The following KIF5C variants were observed in gnomAD, a reference collection of about 807,000 sequenced individuals.
The protein encoded by KIF5C is kinesin heavy chain isoform 5C.
A neutral mutation model predicts 125.2 loss-of-function variants in KIF5C; 18 were observed. The observed-to-expected ratio is 0.14, with a 90% CI of 0.10 to 0.21. KIF5C has a LOEUF of 0.21. KIF5C is among the 10% of genes least tolerant of loss of function. The pLI, the probability that KIF5C is intolerant of heterozygous loss-of-function variation, is 1.00. For synonymous variants in KIF5C, 405 were observed against 434.0 expected (o/e 0.93, Z 0.83); for missense variants, 780 against 1,183.8 (o/e 0.66, Z 5.01).
intron 23 of KIF5C, among the ~76,000 whole-genome samples, chr2:149,009,279 T>C (rs187212835): frequency 3.4e-4 from 51 of 152,212 alleles, no homozygotes; most frequent in African/African-American, 1.2e-3. Flanking sequence ...CGTGAGCCAC[T>C]GCACCCAGCT....
chr2:148,987,018 G>A (rs73965237), intron 15 of KIF5C, among the ~76,000 whole-genome samples: 15,500 of 152,270 alleles, frequency 0.1, 1,043 homozygotes, highest in African/African-American at 0.18. Flanking sequence ...CATTTGGAAA[G>A]GAGAGCTTTA....
rs1028645971 is a variant in KIF5C at position 148,894,402 on chromosome 2, A to G, written c.126+18659A>G. ...TTAATGTGAACTAAAAGCTGGCATC[A>G]TAAAGAAAGTAAGGTCCAAGAAGTT... is the stretch of plus-strand genomic sequence containing the variant. On this transcript the variant is annotated intron_variant, in intron 1 of 25. Coordinates refer to ENST00000435030, the MANE Select transcript of KIF5C (RefSeq NM_004522.3). Among the ~76,000 whole-genome samples, 86 of 152,368 alleles carry G rather than the reference A, an allele frequency of 5.6e-4. 2 individuals are homozygous for G. Among genetic ancestry groups the G allele is most frequent in the Non-Finnish European group, 1.6e-4 (11 of 68,034 alleles).
At chr2:148,992,144 T>C (rs189526407) in intron 16 of KIF5C, among the ~76,000 whole-genome samples, 1 of 152,202 alleles carries the variant, frequency 6.6e-6, no homozygotes, top group Non-Finnish European at 1.5e-5. Flanking sequence ...ACCATAATAA[T>C]GTGTAATCAT....
At chr2:148,914,477 T>C (rs1390436939) in intron 1 of KIF5C, among the ~76,000 whole-genome samples, 2 of 152,272 alleles carry the variant, frequency 1.3e-5, no homozygotes, top group Non-Finnish European at 2.9e-5. Context: ...GTCTGTGATC[T>C]TGACAGTGTC....
intron 12 of KIF5C, among the ~76,000 whole-genome samples, chr2:148,974,074 A>G (rs1403414562): frequency 6.6e-6 from 1 of 152,212 alleles, no homozygotes; most frequent in Admixed American, 6.5e-5. Context: ...GTCCAATTTT[A>G]TGACAAGCTT....
rs535861701 is a variant in KIF5C at position 148,990,660 on chromosome 2, A to T, written c.1717-350A>T. On this transcript the variant is annotated intron_variant, in intron 15 of 25. Transcript: ENST00000435030. Reference sequence around the variant, plus strand: ...CGGAGCATTGGGTGTCGCTGCTGTTACAGAGATGTAAGGTGTAAGACATTG... The same window carrying T: ...CGGAGCATTGGGTGTCGCTGCTGTTTCAGAGATGTAAGGTGTAAGACATTG... Among the ~76,000 whole-genome samples the T allele has an allele frequency of 6.6e-4, 100 of 152,378 alleles. 1 individual carries two copies. Among genetic ancestry groups the T allele is most frequent in the Admixed American group, 3.5e-3 (54 of 15,306 alleles).
chr2:148,938,519 A>G (rs542498131), intron 4 of KIF5C, among the ~76,000 whole-genome samples: 1 of 152,206 alleles, frequency 6.6e-6, no homozygotes, highest in South Asian at 2.1e-4. Flanking sequence ...GGGGTTGGCA[A>G]CATGGCAGCT....
chr2:148,991,112 C>T lies in KIF5C; in HGVS notation c.1819C>T (p.Gln607Ter), dbSNP rs1456219813. ...EVKSLVNRSK[Q>*]LESAQMDSNR... ...CAAGTCCCTGGTGAACCGCAGCAAACAGCTCGAGAGCGCCCAGATGGACTC... is the reference window on the plus strand; with the variant it reads ...CAAGTCCCTGGTGAACCGCAGCAAATAGCTCGAGAGCGCCCAGATGGACTC... Residue 607 changes from glutamine to a stop codon, truncating the protein, a stop_gained, in exon 16 of 26, where the codon CAG becomes TAG. Transcript: ENST00000435030. LOFTEE classifies it high-confidence loss of function. 1 of 1,613,872 alleles carries T rather than the reference C, an allele frequency of 6.2e-7. No homozygotes were observed. The highest frequency in any genetic ancestry group is 8.5e-7 in the Non-Finnish European group (1 of 1,179,880).
chr2:149,010,395 CG>C, intron 24 of KIF5C, 44 bp downstream of exon 24: 2 of 1,494,940 alleles, frequency 1.3e-6, no homozygotes, highest in Non-Finnish European at 1.8e-6. Context: ...GAAGCTACTG[CG>C]GCCTCTCAGC....
At chr2:148,987,643 G>C (rs1681415815) in intron 15 of KIF5C, among the ~76,000 whole-genome samples, 1 of 152,010 alleles carries the variant, frequency 6.6e-6, no homozygotes, top group African/African-American at 2.4e-5. Context: ...CATTTCTCTG[G>C]GGTCTCCTTG....
chr2:148,995,719 T>C (rs529070141), intron 17 of KIF5C, among the ~76,000 whole-genome samples: 34 of 152,376 alleles, frequency 2.2e-4, no homozygotes, highest in South Asian at 1.2e-3. Context: ...AAATGTCTAA[T>C]AGTTAATACA....
chr2:148,955,762 G>T (rs775667464), intron 10 of KIF5C, among the ~76,000 whole-genome samples: 25 of 152,082 alleles, frequency 1.6e-4, no homozygotes, highest in Non-Finnish European at 3.1e-4. Context: ...CTCCCACAGT[G>T]GGAGAATCTC....
At chr2:149,006,310 G>T (rs552072081) in intron 22 of KIF5C, among the ~76,000 whole-genome samples, 3 of 152,326 alleles carry the variant, frequency 2.0e-5, no homozygotes, top group Non-Finnish European at 4.4e-5. Context: ...AGGGTTAATA[G>T]TGTAGATGGA....
chr2:148,894,819 C>T (rs1206998563), intron 1 of KIF5C, among the ~76,000 whole-genome samples: 1 of 149,502 alleles, frequency 6.7e-6, no homozygotes, highest in African/African-American at 2.5e-5. Flanking sequence ...ATTTTTATTC[C>T]AAATATTATA....
rs890729869 is a variant in KIF5C, at chr2:148,981,641, G to C, written c.1569+80G>C. Reference sequence around the variant, plus strand: ...CATATTGATATTCATTGACAGACATGGTATAAGGAGGCAGTGGCTGAATAG... The same window carrying C: ...CATATTGATATTCATTGACAGACATCGTATAAGGAGGCAGTGGCTGAATAG... On this transcript the variant is annotated intron_variant, in intron 14 of 25. Transcript: ENST00000435030. The C allele has an allele frequency of 3.1e-5, 45 of 1,469,874 alleles. No individual in the cohort carries two copies. The East Asian group carries it at 9.7e-4, about 32-fold the overall frequency. The allele number at this position is 1,469,874 out of a possible 1,614,324, so 91.1% of individuals were successfully genotyped here. A position where few individuals can be genotyped will look rare whatever the true frequency, so the allele number is the denominator to read the frequency against.
In KIF5C at chr2:148,997,446, A is replaced by G. The variant is rs6738277; in HGVS notation, c.2100+106A>G. The stretch of plus-strand genomic sequence containing the variant: ...GTCACCTTCAGATCCGTATATGGCA[A>G]GGGACAGGGGAGGGGCTGTTGTTGG... On this transcript the variant is annotated intron_variant, in intron 18 of 25. Transcript: ENST00000435030. The G allele has an allele frequency of 0.65, 1,013,101 of 1,558,242 alleles. 333,063 individuals carry two copies. The highest frequency in any genetic ancestry group is 0.78 in the African/African-American group (57,584 of 73,680).
At chr2:148,915,763 A>C (rs1249712335) in intron 1 of KIF5C, among the ~76,000 whole-genome samples, 2 of 152,216 alleles carry the variant, frequency 1.3e-5, no homozygotes, top group Admixed American at 1.3e-4. Flanking sequence ...CCTAGGAAAC[A>C]CTGATGAAGA....
rs1682690661 is a variant in KIF5C, at chr2:149,026,569, G to A, written c.*3499G>A. 2 of 152,570 alleles carry A rather than the reference G, an allele frequency of 1.3e-5. No individual in the cohort carries two copies. Among genetic ancestry groups the A allele is most frequent in the African/African-American group, 4.8e-5 (2 of 41,420 alleles). The allele number at this position is 152,570 out of a possible 1,614,324, so 9.5% of individuals were successfully genotyped here. On this transcript the variant is annotated 3_prime_UTR_variant, in exon 26 of 26. Transcript: ENST00000435030. ...CGGGGGGTTTGAGGGGAGAATGGTGGTTTATATCAATAACGATGCTGTACT... is the reference window on the plus strand; with the variant it reads ...CGGGGGGTTTGAGGGGAGAATGGTGATTTATATCAATAACGATGCTGTACT...
At chr2:149,013,383 T>G (rs1682268972) in intron 25 of KIF5C, among the ~76,000 whole-genome samples, 1 of 152,202 alleles carries the variant, frequency 6.6e-6, no homozygotes, top group African/African-American at 2.4e-5. Flanking sequence ...ATGAATCTCC[T>G]TTAAGTAGCC....
Sources: allele counts gnomAD v4.1 joint callset (sites outside exome capture counted in the v4.1 genomes callset), GRCh38; gene constraint gnomAD v4.1.1; transcripts MANE v1.5; gene names NCBI Gene and HGNC (gene_info 2026-07-23, HGNC 2026-07-21).